CPVL: variants seen among roughly 807,000 people sequenced by gnomAD.
The protein encoded by CPVL is probable serine carboxypeptidase CPVL.
Under a neutral mutation model 63.7 loss-of-function variants are expected in CPVL, and 51 were observed. The observed-to-expected ratio is 0.80, with a 90% CI of 0.64 to 1.01. CPVL has a LOEUF of 1.01. CPVL is among the 50% of genes least tolerant of loss of function. The pLI is 0.00. For missense variants in CPVL, 530 were observed against 573.1 expected (o/e 0.92, Z 0.77); for synonymous variants, 195 against 206.0 (o/e 0.95, Z 0.46).
At chr7:29,038,597 G>A (rs528634568) in intron 11 of CPVL, among the ~76,000 whole-genome samples, 25 of 152,276 alleles carry the variant, frequency 1.6e-4, no homozygotes, top group African/African-American at 5.5e-4. Context: ...AACACTTTGC[G>A]GAGCTGTAAC....
chr7:29,060,652 T>C (rs188218997), intron 11 of CPVL, among the ~76,000 whole-genome samples: 140 of 152,206 alleles, frequency 9.2e-4, no homozygotes, highest in Non-Finnish European at 3.2e-4. Flanking sequence ...ACATAGAAAC[T>C]AACGTAGTTT....
chr7:29,150,530 C>T (rs928277061), upstream of CPVL, among the ~76,000 whole-genome samples: 3 of 152,142 alleles, frequency 2.0e-5, no homozygotes, highest in South Asian at 4.1e-4. Context: ...TCCTTAAATT[C>T]CAGTTAAGAA....
At chr7:29,001,695 G>C (rs1242876692) in intron 12 of CPVL, among the ~76,000 whole-genome samples, 1 of 152,140 alleles carries the variant, frequency 6.6e-6, no homozygotes, top group African/African-American at 2.4e-5. Flanking sequence ...TGTAGCAAAT[G>C]GTTATTGAAT....
At chr7:29,186,276 C>T (rs1469628149) in intron 2 of CPVL, among the ~76,000 whole-genome samples, 6 of 152,178 alleles carry the variant, frequency 3.9e-5, no homozygotes, top group African/African-American at 1.4e-4. Flanking sequence ...ACAGTATCAT[C>T]ATAGGTTCAA....
chr7:29,005,063 A>T (rs1377950132), intron 12 of CPVL, among the ~76,000 whole-genome samples: 2 of 151,048 alleles, frequency 1.3e-5, no homozygotes, highest in Admixed American at 1.3e-4. Flanking sequence ...CATCCAGCTA[A>T]TTTTTTTTGT....
intron 5 of CPVL, among the ~76,000 whole-genome samples, chr7:29,179,754 G>A (rs1047071997): frequency 6.6e-6 from 1 of 152,032 alleles, no homozygotes; most frequent in East Asian, 1.9e-4. Context: ...TGCAAAACAC[G>A]GGTAAGAACT....
In CPVL at chr7:29,096,439, A is replaced by G. The variant is rs1584250402; in HGVS notation, c.289-222T>C. On this transcript the variant is annotated intron_variant, in intron 3 of 12. Coordinates refer to ENST00000265394, the MANE Select transcript of CPVL (RefSeq NM_031311.5). Reference sequence around the variant, plus strand: ...CCTCATATGCTGGTGTCTTCTTATCATGCAGTCAAGTCTTTTCCCAACAAG... The same window carrying G: ...CCTCATATGCTGGTGTCTTCTTATCGTGCAGTCAAGTCTTTTCCCAACAAG... 7 of 556,598 alleles carry G rather than the reference A, an allele frequency of 1.3e-5. No individual in the cohort carries two copies. The East Asian group carries it at 1.4e-4, about 11-fold the overall frequency. The allele number at this position is 556,598 out of a possible 1,614,324, so 34.5% of individuals were successfully genotyped here. A position where few individuals can be genotyped will look rare whatever the true frequency, so the allele number is the denominator to read the frequency against.
intron 1 of CPVL, among the ~76,000 whole-genome samples, chr7:29,133,683 C>T (rs1790920463): frequency 6.6e-6 from 1 of 152,218 alleles, no homozygotes; most frequent in Non-Finnish European, 1.5e-5. Flanking sequence ...CTCATGAAAC[C>T]TCTCTAAAAT....
At chr7:29,101,650 ACTTATT>A (rs1787146672) in intron 3 of CPVL, among the ~76,000 whole-genome samples, 1 of 152,100 alleles carries the variant, frequency 6.6e-6, no homozygotes. Flanking sequence ...TAAAAACAGT[ACTTATT>A]CTTAACTAAA....
intron 11 of CPVL, among the ~76,000 whole-genome samples, chr7:29,050,081 G>A (rs1286680785): frequency 1.3e-5 from 2 of 152,102 alleles, no homozygotes; most frequent in East Asian, 3.9e-4. Flanking sequence ...CATTCCCTCT[G>A]AGAACTGGAA....
intron 1 of CPVL, among the ~76,000 whole-genome samples, chr7:29,130,102 G>A (rs1019750933): frequency 5.3e-5 from 8 of 152,128 alleles, no homozygotes; most frequent in Non-Finnish European, 7.3e-5. Flanking sequence ...CCCAGATGGT[G>A]GTGTTTTGTT....
chr7:29,130,950 G>A (rs139536458), intron 1 of CPVL, among the ~76,000 whole-genome samples: 3 of 152,232 alleles, frequency 2.0e-5, no homozygotes, highest in South Asian at 2.1e-4. Context: ...TTACTTTTTG[G>A]GGTAAGTGAA....
chr7:29,085,887 CTCTTCAAAT>C (rs1488533956), intron 7 of CPVL, among the ~76,000 whole-genome samples: 1 of 152,182 alleles, frequency 6.6e-6, no homozygotes, highest in African/African-American at 2.4e-5. Flanking sequence ...CTGGCCTGGA[CTCTTCAAAT>C]CATCATCATG....
In CPVL at chr7:28,995,768, T is replaced by C; in HGVS notation, c.*4A>G. ...CCTCTGATGTTCTCTTTTGGGAAGG[T>C]AGTTTATCCAACATAAGGATCCCAT... On this transcript the variant is annotated 3_prime_UTR_variant, in exon 13 of 13. Coordinates refer to ENST00000265394, the MANE Select transcript of CPVL (RefSeq NM_031311.5). The C allele has an allele frequency of 6.6e-7, 1 of 1,515,794 alleles. No individual in the cohort carries two copies. Among genetic ancestry groups the C allele is most frequent in the Non-Finnish European group, 9.1e-7 (1 of 1,102,578 alleles). 93.9% of individuals were successfully genotyped at this position (1,515,794 alleles called of 1,614,324 possible). A position where few individuals can be genotyped will look rare whatever the true frequency, so the allele number is the denominator to read the frequency against.
intron 11 of CPVL, among the ~76,000 whole-genome samples, chr7:29,058,077 T>C (rs1276798033): frequency 6.6e-6 from 1 of 152,124 alleles, no homozygotes. Flanking sequence ...GAGATTTTGA[T>C]TGGGATTGTA....
At chr7:29,111,326 AC>A (rs1051867852) in intron 3 of CPVL, among the ~76,000 whole-genome samples, 1 of 152,172 alleles carries the variant, frequency 6.6e-6, no homozygotes, top group Non-Finnish European at 1.5e-5. Flanking sequence ...TGTTAGGCAG[AC>A]CCCTATGGGC....
chr7:29,040,744 C>T (rs940050968), intron 11 of CPVL, among the ~76,000 whole-genome samples: 4 of 152,148 alleles, frequency 2.6e-5, no homozygotes, highest in Admixed American at 2.0e-4. Flanking sequence ...GGAAGTGGAA[C>T]AGCAAGTTTG....
At chr7:29,172,630 C>T (rs1384739342) in intron 5 of CPVL, among the ~76,000 whole-genome samples, 1 of 152,142 alleles carries the variant, frequency 6.6e-6, no homozygotes, top group Non-Finnish European at 1.5e-5. Flanking sequence ...TAAAGTCCAT[C>T]TTTGACATTA....
chr7:29,063,087 T>C (rs1782790617), intron 11 of CPVL, among the ~76,000 whole-genome samples: 1 of 152,136 alleles, frequency 6.6e-6, no homozygotes, highest in African/African-American at 2.4e-5. Flanking sequence ...TGTCATTTGC[T>C]CTTGGTGTCC....
Sources: gnomAD v4.1 joint callset for allele counts (sites outside exome capture counted in the v4.1 genomes callset) on GRCh38, gnomAD v4.1.1 for gene constraint, MANE v1.5 for transcripts, NCBI Gene and HGNC (gene_info 2026-07-23, HGNC 2026-07-21) for gene names.